Variants in NAV3 observed in about 807,000 individuals in gnomAD.
NAV3 encodes the protein neuron navigator 3.
NAV3 carries 87 observed loss-of-function variants against 244.7 expected under a neutral mutation model. The observed-to-expected ratio is 0.36, with a 90% CI of 0.30 to 0.42. The LOEUF is 0.42. Among genes scored for constraint, NAV3 ranks in the 20% least tolerant of loss-of-function variants. The pLI is 1.00. For synonymous variants in NAV3, 1,126 were observed against 1,042.2 expected, an observed-to-expected ratio of 1.08 and a Z score of -1.55; for missense variants, 2,663 against 2,893.3, an observed-to-expected ratio of 0.92 and a Z score of 1.83.
chr12:78,160,284 A>T (rs1957472831), intron 23 of NAV3, among the ~76,000 whole-genome samples: 1 of 152,052 alleles, frequency 6.6e-6, no homozygotes, highest in African/African-American at 2.4e-5. Context: ...CTTTCCTGTG[A>T]TGACCAGTTA....
At chr12:77,706,415 C>T (rs993020050) in intron 2 of NAV3, among the ~76,000 whole-genome samples, 2 of 151,374 alleles carry the variant, frequency 1.3e-5, no homozygotes, top group African/African-American at 4.9e-5. Context: ...CCATTCAATA[C>T]ATTGCTCTAT....
intron 2 of NAV3, among the ~76,000 whole-genome samples, chr12:77,825,838 G>C (rs1221057846): frequency 6.6e-6 from 1 of 152,118 alleles, no homozygotes; most frequent in Non-Finnish European, 1.5e-5. Context: ...ATAAAACTCA[G>C]TAATAATGAG....
At chr12:78,110,875 G>T (rs1477204338) in intron 12 of NAV3, among the ~76,000 whole-genome samples, 1 of 152,010 alleles carries the variant, frequency 6.6e-6, no homozygotes. Flanking sequence ...CAGCAACATG[G>T]TTGAAACTGG....
At chr12:78,094,962 G>T (rs532989871) in intron 12 of NAV3, among the ~76,000 whole-genome samples, 1 of 151,240 alleles carries the variant, frequency 6.6e-6, no homozygotes, top group African/African-American at 2.4e-5. Context: ...CAGGAGAATC[G>T]CTTGAACCCA....
rs571654414 is a variant in NAV3 at position 77,771,671 on chromosome 12, C to T, written c.73-168648C>T. ...AGCAAACTATCACAAGGACAAAAAACCAAACACTGCATGTTCTCACTCATA... is the reference window on the plus strand; with the variant it reads ...AGCAAACTATCACAAGGACAAAAAATCAAACACTGCATGTTCTCACTCATA... On this transcript the variant is annotated intron_variant, in intron 2 of 8. Transcript: ENST00000550042. Among the ~76,000 whole-genome samples the T allele has an allele frequency of 1.1e-3, 174 of 152,132 alleles. 1 individual carries two copies. The highest frequency in any genetic ancestry group is 3.7e-3 in the African/African-American group (153 of 41,494).
chr12:78,173,073 A>G (rs1178765019), intron 24 of NAV3, among the ~76,000 whole-genome samples: 2 of 151,586 alleles, frequency 1.3e-5, no homozygotes, highest in East Asian at 3.9e-4. Context: ...ATACCTGAAA[A>G]TTTAAGTTTA....
intron 8 of NAV3, among the ~76,000 whole-genome samples, chr12:78,008,676 G>GT (rs1874686198): frequency 4.1e-5 from 6 of 145,462 alleles, no homozygotes; most frequent in Non-Finnish European, 7.7e-5. Context: ...AATGAGGAAT[G>GT]TAAGTGCTTT....
At chr12:78,119,191 A>C (rs754251254) in intron 14 of NAV3, 46 bp from the exon 15 acceptor site, 26 of 1,519,578 alleles carry the variant, frequency 1.7e-5, no homozygotes, top group Non-Finnish European at 2.0e-5. Context: ...GTGTGGTGAT[A>C]TCAAACTCTA....
chr12:78,020,355 G>A (rs1249518501), intron 8 of NAV3, among the ~76,000 whole-genome samples: 2 of 152,052 alleles, frequency 1.3e-5, no homozygotes, highest in Non-Finnish European at 2.9e-5. Flanking sequence ...GCTACTTTGA[G>A]GTCTTTTTTT....
intron 12 of NAV3, among the ~76,000 whole-genome samples, chr12:78,088,040 A>G (rs893999711): frequency 2.0e-5 from 3 of 150,840 alleles, no homozygotes; most frequent in African/African-American, 7.3e-5. Context: ...CTTCATATAT[A>G]TATATATATG....
At chr12:78,164,401 T>C (rs1957693715) in intron 23 of NAV3, among the ~76,000 whole-genome samples, 1 of 152,040 alleles carries the variant, frequency 6.6e-6, no homozygotes, top group Non-Finnish European at 1.5e-5. Flanking sequence ...AAACAGGAAT[T>C]GAAACCTTCA....
intron 7 of NAV3, among the ~76,000 whole-genome samples, chr12:78,005,454 A>C (rs1332355839): frequency 1.3e-5 from 2 of 152,230 alleles, no homozygotes; most frequent in Non-Finnish European, 2.9e-5. Flanking sequence ...TTGCTACTCA[A>C]AGTATGACTT....
At chr12:77,706,645 C>T (rs111560410) in intron 2 of NAV3, among the ~76,000 whole-genome samples, 6 of 150,618 alleles carry the variant, frequency 4.0e-5, no homozygotes, top group South Asian at 2.1e-4. Context: ...CTGAGGCGGG[C>T]GGATCACGAG....
At chr12:77,897,206 T>G (rs11107220) in intron 1 of NAV3, among the ~76,000 whole-genome samples, 1,527 of 152,296 alleles carry the variant, frequency 0.01, 22 homozygotes, top group African/African-American at 0.035. Context: ...CCCTGGTGAT[T>G]TTCTATTGTG....
At chr12:77,619,937 C>T (rs1592510327) in intron 2 of NAV3, among the ~76,000 whole-genome samples, 1 of 152,052 alleles carries the variant, frequency 6.6e-6, no homozygotes, top group Middle Eastern at 3.4e-3. Flanking sequence ...TTTAAATGTT[C>T]TATTTTAGTA....
chr12:77,992,185 G>A (rs1003860017), intron 5 of NAV3, among the ~76,000 whole-genome samples: 1 of 152,084 alleles, frequency 6.6e-6, no homozygotes, highest in Non-Finnish European at 1.5e-5. Flanking sequence ...CAAGACACAA[G>A]CCTAGATACA....
At chr12:77,920,192 C>T (rs1204361855) in intron 1 of NAV3, among the ~76,000 whole-genome samples, 1 of 151,930 alleles carries the variant, frequency 6.6e-6, no homozygotes, top group Non-Finnish European at 1.5e-5. Context: ...AACAATAAAA[C>T]CTTCTTTAAT....
intron 39 of NAV3, among the ~76,000 whole-genome samples, chr12:78,206,112 C>T (rs541274146): frequency 6.6e-6 from 1 of 152,192 alleles, no homozygotes; most frequent in Non-Finnish European, 1.5e-5. Flanking sequence ...CAGCAAAATG[C>T]ATACACACTG....
chr12:77,762,810 T>C (rs975773490), intron 2 of NAV3, among the ~76,000 whole-genome samples: 1 of 152,130 alleles, frequency 6.6e-6, no homozygotes, highest in African/African-American at 2.4e-5. Context: ...AAGGTAGTAA[T>C]GTTGTTACTA....
Sources: gnomAD v4.1 joint callset for allele counts (sites outside exome capture counted in the v4.1 genomes callset) on GRCh38, gnomAD v4.1.1 for gene constraint, MANE v1.5 for transcripts, NCBI Gene and HGNC (gene_info 2026-07-23, HGNC 2026-07-21) for gene names.